Variants in P4HA3 observed in about 807,000 individuals in gnomAD.
P4HA3 encodes prolyl 4-hydroxylase subunit alpha 3.
A neutral mutation model predicts 66.7 loss-of-function variants in P4HA3; 60 were observed. The observed-to-expected ratio is 0.90, with a 90% CI of 0.73 to 1.12. The LOEUF (loss-of-function observed/expected upper bound fraction) is 1.12. Among genes scored for constraint, P4HA3 ranks in the 50% most tolerant of loss-of-function variants. The pLI, the probability that P4HA3 is intolerant of heterozygous loss-of-function variation, is 0.00. For missense variants in P4HA3, 683 were observed against 685.8 expected (o/e 1.00, Z 0.05); for synonymous variants, 263 against 274.6 (o/e 0.96, Z 0.42).
At chr11:74,252,436 A>G (rs1859725601) in intron 15 of P4HA3, 2 of 455,060 alleles carry the variant, frequency 4.4e-6, no homozygotes, top group South Asian at 3.1e-5. Flanking sequence ...GTGTCTTCCC[A>G]TGGCCAGCTA....
In P4HA3 at chr11:74,273,551, C is replaced by A; in HGVS notation, c.1392G>T (p.Met464Ile). 1 of 1,555,630 alleles carries A rather than the reference C, an allele frequency of 6.4e-7. No homozygotes were observed. The highest frequency in any genetic ancestry group is 8.7e-7 in the Non-Finnish European group (1 of 1,153,436). The change falls in exon 10 of 13, where the codon ATG becomes ATT. Residue 464 changes from methionine to isoleucine, a missense_variant. By Grantham distance (10) the Met-to-Ile change is conservative (BLOSUM62 1). Coordinates refer to ENST00000331597, the MANE Select transcript of P4HA3 (RefSeq NM_182904.5). ...MKSGNRVATFMIYLSSVEAGG... is the reference protein window; with the variant it reads ...MKSGNRVATFIIYLSSVEAGG... ...AGCCCAGAGCAATACTCACATAGAT[C>A]ATAAATGTTGCAACTCGGTTTCCTG...
chr11:74,311,122 G>A (rs911460991), intron 1 of P4HA3, among the ~76,000 whole-genome samples: 1 of 152,110 alleles, frequency 6.6e-6, no homozygotes, highest in African/African-American at 2.4e-5. Context: ...GCCACTATGT[G>A]TGTGATGGAG....
At chr11:74,285,046 T>C (rs138861556) in intron 7 of P4HA3, among the ~76,000 whole-genome samples, 2 of 152,100 alleles carry the variant, frequency 1.3e-5, no homozygotes, top group African/African-American at 4.8e-5. Flanking sequence ...TATAATTATA[T>C]GTTATAATTT....
intron 3 of P4HA3, among the ~76,000 whole-genome samples, chr11:74,300,500 T>C (rs1861372505): frequency 6.6e-6 from 1 of 152,084 alleles, no homozygotes; most frequent in South Asian, 2.1e-4. Flanking sequence ...ACACCTGTAG[T>C]CCTAGCTACT....
At chr11:74,275,530 A>G (rs1860363757) in intron 9 of P4HA3, among the ~76,000 whole-genome samples, 1 of 152,182 alleles carries the variant, frequency 6.6e-6, no homozygotes, top group Non-Finnish European at 1.5e-5. Flanking sequence ...CCATTGACAT[A>G]TGTGTCTCTC....
chr11:74,266,178 C>A (rs561044137), downstream of P4HA3, among the ~76,000 whole-genome samples: 2 of 152,004 alleles, frequency 1.3e-5, no homozygotes, highest in African/African-American at 4.8e-5. Flanking sequence ...GCTTCTGGAA[C>A]GTAGCCGGGG....
At chr11:74,288,386 C>T (rs532093425) in intron 5 of P4HA3, among the ~76,000 whole-genome samples, 6 of 152,174 alleles carry the variant, frequency 3.9e-5, no homozygotes, top group Admixed American at 3.9e-4. Context: ...TTCCTTCTTG[C>T]GTACATAGTG....
At chr11:74,288,083 A>G (rs1860862258) in intron 5 of P4HA3, among the ~76,000 whole-genome samples, 1 of 152,174 alleles carries the variant, frequency 6.6e-6, no homozygotes, top group African/African-American at 2.4e-5. Flanking sequence ...CAAAACAAAT[A>G]AATACTGTAT....
At chr11:74,279,317 C>T in intron 8 of P4HA3, 71 bp downstream of exon 8, 1 of 1,432,372 alleles carries the variant, frequency 7.0e-7, no homozygotes, top group Non-Finnish European at 9.8e-7. Context: ...ATGGCTGTTG[C>T]TGACTGGCAG....
intron 10 of P4HA3, among the ~76,000 whole-genome samples, chr11:74,272,550 A>T (rs916105242): frequency 6.6e-6 from 1 of 152,206 alleles, no homozygotes; most frequent in Non-Finnish European, 1.5e-5. Context: ...GAAGCCTTCC[A>T]GTTCCATAGG....
In P4HA3 at chr11:74,285,806, C is replaced by T; in HGVS notation, c.1110+3G>A. On this transcript the variant is annotated splice_donor_region_variant and intron_variant, in intron 7 of 12. Coordinates refer to ENST00000331597, the MANE Select transcript of P4HA3 (RefSeq NM_182904.5). ...ATTCTTGGCGGGTTCTCAGGACACT[C>T]ACCCATGGTTCTGCAAGTTCTCTAA... 6.2e-7 allele frequency: 1 copy of T among 1,613,168 alleles called. No homozygotes were observed. The highest frequency in any genetic ancestry group is 8.5e-7 in the Non-Finnish European group (1 of 1,179,538).
intron 15 of P4HA3, chr11:74,259,874 G>A (rs746314861): frequency 5.3e-5 from 8 of 152,180 alleles, no homozygotes; most frequent in African/African-American, 9.7e-5. Context: ...GAATAAAGCT[G>A]CTATGACCAT....
rs151301557 is a variant in P4HA3 at position 74,251,956 on chromosome 11, C to G, written c.*1319-3955G>C. 423 of 704,100 alleles carry G rather than the reference C, an allele frequency of 6.0e-4. 2 individuals are homozygous for G. The African/African-American group carries it at 6.6e-3, about 11-fold the overall frequency. 43.6% of individuals were successfully genotyped at this position (704,100 alleles called of 1,614,324 possible). A position where few individuals can be genotyped will look rare whatever the true frequency, so the allele number is the denominator to read the frequency against. On this transcript the variant is annotated intron_variant and NMD_transcript_variant, in intron 15 of 15. Transcript: ENST00000524388. ...TGTGATTAAATTGTGCCTAGTCTCA[C>G]TCCCCACTGTGATGTGCATTTCTTC... is the stretch of plus-strand genomic sequence containing the variant.
At chr11:74,255,994 A>G (rs1287390860) in intron 15 of P4HA3, 1 of 502,644 alleles carries the variant, frequency 2.0e-6, no homozygotes. Context: ...CTTGGTTTTC[A>G]GGGGCACTCA....
intron 15 of P4HA3, among the ~76,000 whole-genome samples, chr11:74,257,884 C>G (rs1427333727): frequency 6.6e-6 from 1 of 151,866 alleles, no homozygotes; most frequent in African/African-American, 2.4e-5. Flanking sequence ...GTGGAATGAA[C>G]AAGAAAGAGA....
downstream of P4HA3, among the ~76,000 whole-genome samples, chr11:74,264,881 A>G (rs1245093778): frequency 6.6e-6 from 1 of 152,142 alleles, no homozygotes; most frequent in Non-Finnish European, 1.5e-5. Context: ...ATTACTCATT[A>G]AGCAGTTATT....
At chr11:74,276,660 C>A (rs1288454131) in intron 9 of P4HA3, among the ~76,000 whole-genome samples, 2 of 152,078 alleles carry the variant, frequency 1.3e-5, no homozygotes, top group African/African-American at 4.8e-5. Flanking sequence ...GCAAAGATGG[C>A]CAGTTGAGAT....
chr11:74,286,687 G>A (rs1158426067), intron 5 of P4HA3, among the ~76,000 whole-genome samples: 1 of 152,178 alleles, frequency 6.6e-6, no homozygotes, highest in Non-Finnish European at 1.5e-5. Flanking sequence ...GCTGCTCTGG[G>A]ATACTGTGAT....
intron 1 of P4HA3, among the ~76,000 whole-genome samples, chr11:74,307,365 A>G (rs531952053): frequency 1.3e-5 from 2 of 152,298 alleles, no homozygotes; most frequent in African/African-American, 4.8e-5. Context: ...AGAGAGGTGA[A>G]TATTTGCCCC....
Sources: gnomAD v4.1 joint callset for allele counts (sites outside exome capture counted in the v4.1 genomes callset) on GRCh38, gnomAD v4.1.1 for gene constraint, MANE v1.5 for transcripts, NCBI Gene and HGNC (gene_info 2026-07-23, HGNC 2026-07-21) for gene names.